The following WWOX variants were observed in gnomAD, a reference collection of about 807,000 sequenced individuals.
WWOX encodes the protein WW domain containing oxidoreductase.
WWOX carries 69 observed loss-of-function variants against 46.2 expected under a neutral mutation model. That is an observed-to-expected ratio of 1.49 (90% CI 1.23 to 1.82). WWOX has a LOEUF of 1.82. Ranked by LOEUF, WWOX falls within the 40% of genes most tolerant of loss-of-function variation. The probability of loss-of-function intolerance (pLI) is 0.00; values close to 1 mark genes in which losing one functional copy is unlikely to be tolerated. For synonymous variants in WWOX, 359 were observed against 202.6 expected, an observed-to-expected ratio of 1.77 and a Z score of -6.56; for missense variants, 919 against 542.6, an observed-to-expected ratio of 1.69 and a Z score of -6.89.
intron 8 of WWOX, among the ~76,000 whole-genome samples, chr16:78,989,555 A>G (rs2046843800): frequency 6.6e-6 from 1 of 152,086 alleles, no homozygotes; most frequent in Non-Finnish European, 1.5e-5. Context: ...TCAGCTCTCA[A>G]AAATGTGAAC....
chr16:79,128,151 G>C (rs181069346), intron 8 of WWOX, among the ~76,000 whole-genome samples: 1 of 152,072 alleles, frequency 6.6e-6, no homozygotes, highest in South Asian at 2.1e-4. Flanking sequence ...TTAAGAAGAA[G>C]ACAATGGCTG....
intron 5 of WWOX, among the ~76,000 whole-genome samples, chr16:78,352,534 C>G (rs1323614214): frequency 6.6e-6 from 1 of 152,208 alleles, no homozygotes; most frequent in Non-Finnish European, 1.5e-5. Flanking sequence ...TCAAACTGCC[C>G]TGTTCCTGGT....
At chr16:78,144,677 T>C (rs1441055959) in intron 4 of WWOX, among the ~76,000 whole-genome samples, 3 of 150,198 alleles carry the variant, frequency 2.0e-5, no homozygotes. Flanking sequence ...CACGCTACCA[T>C]GCCCGGCTGA....
intron 8 of WWOX, chr16:79,205,426 A>G: frequency 6.6e-6 from 1 of 152,188 alleles, no homozygotes; most frequent in East Asian, 1.9e-4. Context: ...CTTGTGGCAA[A>G]AGATCAACAT....
intron 8 of WWOX, among the ~76,000 whole-genome samples, chr16:79,100,351 G>A (rs930961432): frequency 1.3e-5 from 2 of 152,144 alleles, no homozygotes; most frequent in African/African-American, 4.8e-5. Context: ...AAAAGCCTGA[G>A]AAACGAGACA....
chr16:78,273,630 C>T (rs563997809), intron 5 of WWOX, among the ~76,000 whole-genome samples: 20 of 152,128 alleles, frequency 1.3e-4, no homozygotes, highest in Admixed American at 5.9e-4. Context: ...CACCCAGGCA[C>T]GAAATGATGA....
At chr16:78,122,748 G>A (rs1034471813) in intron 4 of WWOX, among the ~76,000 whole-genome samples, 25 of 152,102 alleles carry the variant, frequency 1.6e-4, no homozygotes, top group African/African-American at 5.3e-4. Context: ...GGGATTACAG[G>A]CGTGAGCCAC....
At chr16:78,566,057 A>G (rs1446304025) in intron 8 of WWOX, among the ~76,000 whole-genome samples, 2 of 152,172 alleles carry the variant, frequency 1.3e-5, no homozygotes, top group Non-Finnish European at 2.9e-5. Context: ...AGGTGAAGCC[A>G]TGGGCACATT....
chr16:78,867,428 A>G (rs2044027861), intron 8 of WWOX, among the ~76,000 whole-genome samples: 2 of 152,000 alleles, frequency 1.3e-5, no homozygotes, highest in South Asian at 2.1e-4. Context: ...ATCTAGAGCT[A>G]TTATAGTTTC....
intron 5 of WWOX, among the ~76,000 whole-genome samples, chr16:78,340,387 T>C (rs531723312): frequency 8.4e-6 from 1 of 119,484 alleles, no homozygotes; most frequent in East Asian, 1.9e-4. Flanking sequence ...TTTGTATTTT[T>C]AGTAGAGATG....
intron 8 of WWOX, among the ~76,000 whole-genome samples, chr16:79,009,543 C>T (rs1413723515): frequency 6.6e-6 from 1 of 152,044 alleles, no homozygotes; most frequent in African/African-American, 2.4e-5. Flanking sequence ...TCTCGGCTCA[C>T]AGTAACCTCT....
chr16:78,881,213 G>T (rs957360678), intron 8 of WWOX, among the ~76,000 whole-genome samples: 17 of 151,958 alleles, frequency 1.1e-4, no homozygotes, highest in Admixed American at 1.3e-4. Context: ...ATGTTGCCCA[G>T]GCTGGTCTCA....
chr16:79,198,918 G>A (rs1243857186), intron 8 of WWOX, among the ~76,000 whole-genome samples: 1 of 152,188 alleles, frequency 6.6e-6, no homozygotes, highest in Non-Finnish European at 1.5e-5. Context: ...CACTTGTGCT[G>A]TGGACATGTT....
At chr16:79,082,594 C>G (rs528903023) in intron 8 of WWOX, among the ~76,000 whole-genome samples, 1 of 152,110 alleles carries the variant, frequency 6.6e-6, no homozygotes, top group East Asian at 1.9e-4. Context: ...GAAACACAGC[C>G]CGCCAGAAAG....
intron 8 of WWOX, among the ~76,000 whole-genome samples, chr16:78,939,637 C>G (rs775848007): frequency 1.3e-5 from 2 of 152,172 alleles, no homozygotes; most frequent in African/African-American, 2.4e-5. Context: ...ATTCAATGAT[C>G]AAATATCGAA....
intron 8 of WWOX, among the ~76,000 whole-genome samples, chr16:78,920,421 C>G (rs907498485): frequency 6.6e-6 from 1 of 152,150 alleles, no homozygotes; most frequent in African/African-American, 2.4e-5. Context: ...GTCCCAAGTC[C>G]TAAGGTCCCA....
intron 8 of WWOX, among the ~76,000 whole-genome samples, chr16:79,042,173 C>T (rs2047984064): frequency 6.6e-6 from 1 of 152,164 alleles, no homozygotes; most frequent in East Asian, 1.9e-4. Flanking sequence ...CTCAGATGCA[C>T]ACAGTGATTG....
intron 8 of WWOX, among the ~76,000 whole-genome samples, chr16:79,072,608 A>G (rs2048572237): frequency 6.6e-6 from 1 of 152,214 alleles, no homozygotes; most frequent in African/African-American, 2.4e-5. Context: ...GATATTCAGT[A>G]TCATTATCGA....
intron 8 of WWOX, among the ~76,000 whole-genome samples, chr16:78,498,233 AG>A (rs1353100240): frequency 6.6e-6 from 1 of 151,952 alleles, no homozygotes; most frequent in Non-Finnish European, 1.5e-5. Context: ...AAAAAGCATC[AG>A]GGTTGTCACC....
Sources: gnomAD v4.1 joint callset for allele counts (sites outside exome capture counted in the v4.1 genomes callset) on GRCh38, gnomAD v4.1.1 for gene constraint, MANE v1.5 for transcripts, NCBI Gene and HGNC (gene_info 2026-07-23, HGNC 2026-07-21) for gene names.